Variants in CXCL12 observed in about 807,000 individuals in gnomAD.
CXCL12 encodes the protein C-X-C motif chemokine ligand 12, also known as stromal cell-derived factor 1.
In CXCL12, 4 loss-of-function variants were observed where a neutral mutation model predicts 10.7. The ratio of observed to expected loss-of-function variants is 0.37; its 90% CI spans 0.18 to 0.86. The LOEUF (loss-of-function observed/expected upper bound fraction) is 0.86, where lower values mean the gene tolerates loss of function less well. Among genes scored for constraint, CXCL12 ranks in the 40% least tolerant of loss-of-function variants. The pLI, the probability that CXCL12 is intolerant of heterozygous loss-of-function variation, is 0.43. For synonymous variants in CXCL12, 54 were observed against 45.4 expected (o/e 1.19, Z -0.77); for missense variants, 122 against 110.4 (o/e 1.10, Z -0.47).
rs1428790416 is a variant in CXCL12, at chr10:44,377,424, T to TA, written c.*1208dup. On this transcript the variant is annotated 3_prime_UTR_variant, in exon 3 of 3. Coordinates refer to ENST00000343575, the MANE Select transcript of CXCL12 (RefSeq NM_199168.4). The stretch of plus-strand genomic sequence containing the variant: ...AAAAAAATGTGCACAAAAATATATA[T>TA]AAAAAAATGCCTTGCAAAAAGTTAC... 2.7e-6 allele frequency: 3 copies of TA among 1,114,884 alleles called. No homozygotes were observed. The highest frequency in any genetic ancestry group is 2.2e-6 in the Non-Finnish European group (2 of 912,260). 69.1% of individuals were successfully genotyped at this position (1,114,884 alleles called of 1,614,324 possible). A position where few individuals can be genotyped will look rare whatever the true frequency, so the allele number is the denominator to read the frequency against.
chr10:44,382,788 G>C (rs1839671247), intron 1 of CXCL12, among the ~76,000 whole-genome samples: 1 of 152,154 alleles, frequency 6.6e-6, no homozygotes. Flanking sequence ...ATTTCAACAG[G>C]TCTTTTTAAA....
intron 1 of CXCL12, among the ~76,000 whole-genome samples, chr10:44,382,452 G>A (rs893673761): frequency 2.0e-5 from 3 of 152,208 alleles, no homozygotes; most frequent in Non-Finnish European, 2.9e-5. Flanking sequence ...GGTGGGTTGG[G>A]GGTGGAGCAG....
downstream of CXCL12, chr10:44,374,528 C>A (rs868748166): frequency 2.2e-6 from 1 of 456,062 alleles, no homozygotes. Flanking sequence ...GCAAGAGGAA[C>A]GTGGGCCAGG....
chr10:44,376,060 T>C, downstream of CXCL12: 1 of 1,606,638 alleles, frequency 6.2e-7, no homozygotes, highest in Non-Finnish European at 8.5e-7. Context: ...GAACCATTAA[T>C]AATGTGGAAA....
Position 44,380,898 on chromosome 10 carries a change from A to G in CXCL12, c.62-18T>C. 6.2e-7 allele frequency: 1 copy of G among 1,607,588 alleles called. No homozygotes were observed. On this transcript the variant is annotated intron_variant, in intron 1 of 2. Coordinates refer to ENST00000343575, the MANE Select transcript of CXCL12 (RefSeq NM_199168.4). ...GGGCTTCCCTAGAAGAGGTAAGGAC[A>G]ACAAGGCACTTTACTACCCTGCCAG...
chr10:44,373,087 T>C (rs912570388), downstream of CXCL12: 5 of 1,537,100 alleles, frequency 3.3e-6, no homozygotes, highest in African/African-American at 1.4e-5. Context: ...AGTACAATAA[T>C]GGCCTTAGTC....
intron 1 of CXCL12, among the ~76,000 whole-genome samples, chr10:44,383,760 G>C (rs943703839): frequency 4.6e-5 from 7 of 152,142 alleles, no homozygotes; most frequent in African/African-American, 1.7e-4. Flanking sequence ...ACTCAGCTGC[G>C]CTGGTCCTGC....
rs147038711 is a variant in CXCL12 at position 44,380,693 on chromosome 10, C to T, written c.179+70G>A. The T allele has an allele frequency of 1.4e-4, 178 of 1,314,236 alleles. No individual in the cohort carries two copies. In the African/African-American group the frequency reaches 2.2e-3, roughly 16 times the overall value. The allele number at this position is 1,314,236 out of a possible 1,614,324, so 81.4% of individuals were successfully genotyped here. On this transcript the variant is annotated intron_variant, in intron 2 of 2. Transcript: ENST00000343575. ...TCACCTCTACACCTTTAATAAGACT[C>T]GGGTTAGATGTTACTATGTTCGTTA...
Position 44,377,582 on chromosome 10 carries a change from A to AT in CXCL12, c.*1050dup. 4 of 1,479,816 alleles carry AT rather than the reference A, an allele frequency of 2.7e-6. No homozygotes were observed. The highest frequency in any genetic ancestry group is 3.6e-6 in the Non-Finnish European group (4 of 1,121,342). The allele number at this position is 1,479,816 out of a possible 1,614,324, so 91.7% of individuals were successfully genotyped here. A position where few individuals can be genotyped will look rare whatever the true frequency, so the allele number is the denominator to read the frequency against. ...TGGCAAGATGATGGTTTATTCACTG[A>AT]TTTTTTCGCTTCTGATTTCGGAAAC... On this transcript the variant is annotated 3_prime_UTR_variant, in exon 3 of 3. Coordinates refer to ENST00000343575, the MANE Select transcript of CXCL12 (RefSeq NM_199168.4).
In CXCL12 at chr10:44,378,705, G is replaced by T; in HGVS notation, c.198C>A (p.Asn66Lys). Residue 66 changes from asparagine to lysine, a missense_variant, in exon 3 of 3, where the codon AAC becomes AAA. Physicochemically the swap from Asn to Lys is moderately conservative, Grantham distance 94. Transcript: ENST00000343575. Reference sequence around the variant, plus strand: ...TCGGGTCAATGCACACTTGTCTGTTGTTGTTCTTCAGCCGGGCTCTGTGAA... The same window carrying T: ...TCGGGTCAATGCACACTTGTCTGTTTTTGTTCTTCAGCCGGGCTCTGTGAA... ...ALQIVARLKN[N>K]NRQVCIDPKL... The T allele has an allele frequency of 1.2e-6, 2 of 1,614,210 alleles. No individual in the cohort carries two copies. Among genetic ancestry groups the T allele is most frequent in the South Asian group, 1.1e-5 (1 of 91,088 alleles).
chr10:44,376,158 C>G, downstream of CXCL12: 2 of 970,996 alleles, frequency 2.1e-6, no homozygotes, highest in Non-Finnish European at 3.1e-6. Context: ...GCCTGGAGGC[C>G]CCTGGTCAAA....
chr10:44,384,187 G>A (rs17887234), intron 1 of CXCL12, among the ~76,000 whole-genome samples: 7,349 of 152,208 alleles, frequency 0.048, 216 homozygotes, highest in African/African-American at 0.084. Context: ...GTGTGTTTGG[G>A]GAGCTGGGGA....
At chr10:44,375,584 G>A (rs185765936), downstream of CXCL12, among the ~76,000 whole-genome samples, 12 of 152,338 alleles carry the variant, frequency 7.9e-5, no homozygotes, top group East Asian at 1.9e-3. Flanking sequence ...CCCAGTGAGC[G>A]CAGGCCTTCT....
downstream of CXCL12, chr10:44,372,076 T>C (rs1238228226): frequency 6.6e-6 from 1 of 152,246 alleles, no homozygotes; most frequent in Non-Finnish European, 1.5e-5. Context: ...ATGATGGCAT[T>C]GCCAAATGGT....
intron 1 of CXCL12, among the ~76,000 whole-genome samples, chr10:44,383,773 A>G (rs1839710666): frequency 6.6e-6 from 1 of 152,116 alleles, no homozygotes; most frequent in African/African-American, 2.4e-5. Context: ...GGTCCTGCTC[A>G]CACCAGCGCA....
At chr10:44,375,405 T>C (rs1839424840), downstream of CXCL12, among the ~76,000 whole-genome samples, 1 of 152,180 alleles carries the variant, frequency 6.6e-6, no homozygotes, top group African/African-American at 2.4e-5. Flanking sequence ...CCAGGGCCCA[T>C]TCCTAAGGGT....
downstream of CXCL12, chr10:44,374,461 G>A (rs1839396460): frequency 2.2e-6 from 1 of 455,934 alleles, no homozygotes; most frequent in South Asian, 1.5e-5. Context: ...AGGTGGGGAG[G>A]GCAGAAGACT....
chr10:44,376,966 T>C, downstream of CXCL12: 1 of 322,668 alleles, frequency 3.1e-6, no homozygotes, highest in Non-Finnish European at 4.4e-6. Context: ...AATCTGCTCG[T>C]GAGAAAAGCC....
At chr10:44,372,876 G>C (rs779754432), downstream of CXCL12, 3 of 1,534,098 alleles carry the variant, frequency 2.0e-6, no homozygotes, top group South Asian at 1.2e-5. Flanking sequence ...ATCCCACAGA[G>C]AGAAGCCTTC....
Sources: gnomAD v4.1 joint callset for allele counts (sites outside exome capture counted in the v4.1 genomes callset) on GRCh38, gnomAD v4.1.1 for gene constraint, MANE v1.5 for transcripts, NCBI Gene and HGNC (gene_info 2026-07-23, HGNC 2026-07-21) for gene names.